Variants in NEK1 observed in about 807,000 individuals in gnomAD.
NEK1 encodes NIMA related kinase 1.
Under a neutral mutation model 182.1 loss-of-function variants are expected in NEK1, and 137 were observed. That is an observed-to-expected ratio of 0.75 (90% confidence interval 0.65 to 0.87). The LOEUF (loss-of-function observed/expected upper bound fraction) is 0.87, where lower values mean the gene tolerates loss of function less well. NEK1 is among the 40% of genes least tolerant of loss of function. The pLI, the probability that NEK1 is intolerant of heterozygous loss-of-function variation, is 0.00. For synonymous variants in NEK1, 513 were observed against 492.2 expected, an observed-to-expected ratio of 1.04 and a Z score of -0.56; for missense variants, 1,391 against 1,494.4, an observed-to-expected ratio of 0.93 and a Z score of 1.14.
chr4:169,590,006 AC>A (rs1768175577), intron 6 of NEK1, among the ~76,000 whole-genome samples: 1 of 152,116 alleles, frequency 6.6e-6, no homozygotes, highest in Non-Finnish European at 1.5e-5. Context: ...AAATAGTATG[AC>A]TTAGAAGTAG....
At chr4:169,596,865 T>G (rs1250078928) in intron 5 of NEK1, among the ~76,000 whole-genome samples, 1 of 152,144 alleles carries the variant, frequency 6.6e-6, no homozygotes, top group East Asian at 1.9e-4. Context: ...GTAGAAAAAA[T>G]GCTATTAACT....
intron 12 of NEK1, among the ~76,000 whole-genome samples, chr4:169,567,061 G>A (rs1004759109): frequency 2.0e-5 from 3 of 151,504 alleles, no homozygotes; most frequent in African/African-American, 7.3e-5. Flanking sequence ...CTGCACTATG[G>A]CTTGAGTGTA....
chr4:169,431,731 T>C (rs1737478687), intron 29 of NEK1, among the ~76,000 whole-genome samples: 2 of 149,348 alleles, frequency 1.3e-5, no homozygotes, highest in Non-Finnish European at 3.0e-5. Flanking sequence ...GAGTTTGAGA[T>C]CAACCTGGGC....
intron 31 of NEK1, among the ~76,000 whole-genome samples, chr4:169,416,655 G>A (rs1229407588): frequency 1.3e-5 from 2 of 152,218 alleles, no homozygotes; most frequent in East Asian, 3.9e-4. Flanking sequence ...TGTAATTCCA[G>A]CACTATTGAG....
chr4:169,533,782 T>C (rs1252073582), intron 19 of NEK1, among the ~76,000 whole-genome samples: 2 of 152,212 alleles, frequency 1.3e-5, no homozygotes, highest in African/African-American at 4.8e-5. Context: ...GGTTCTAATA[T>C]ATCAGTCTAA....
intron 19 of NEK1, among the ~76,000 whole-genome samples, chr4:169,515,606 T>C (rs1356146115): frequency 8.6e-5 from 11 of 127,600 alleles, no homozygotes; most frequent in African/African-American, 3.3e-4. Flanking sequence ...CACCCACTAA[T>C]GTGTCATCTA....
At chr4:169,508,417 A>T in intron 20 of NEK1, 86 bp from the exon 21 acceptor site, 1 of 1,101,250 alleles carries the variant, frequency 9.1e-7, no homozygotes, top group Non-Finnish European at 1.3e-6. Context: ...AAATTTAAGG[A>T]ACAGTGTTAA....
chr4:169,429,899 G>A (rs962881586), intron 29 of NEK1, among the ~76,000 whole-genome samples: 1 of 151,878 alleles, frequency 6.6e-6, no homozygotes, highest in African/African-American at 2.4e-5. Flanking sequence ...ATGTTAGGCT[G>A]CCTCCTTTAA....
chr4:169,448,995 G>A (rs1407533454), intron 27 of NEK1, among the ~76,000 whole-genome samples: 1 of 152,242 alleles, frequency 6.6e-6, no homozygotes, highest in Non-Finnish European at 1.5e-5. Context: ...GGCAGACTAG[G>A]TGATTCTCTC....
At chr4:169,508,989 C>T (rs1753763590) in intron 19 of NEK1, 137 bp from the exon 20 acceptor site, 1 of 620,618 alleles carries the variant, frequency 1.6e-6, no homozygotes, top group Non-Finnish European at 2.6e-6. Flanking sequence ...GATAACAAAC[C>T]CTGGCGTTTT....
intron 35 of NEK1, chr4:169,399,982 C>G: frequency 2.3e-6 from 1 of 443,660 alleles, no homozygotes; most frequent in Non-Finnish European, 4.0e-6. Context: ...TTTTTAAAAA[C>G]CTCATTCAAA....
chr4:169,588,132 G>A (rs1034377028), intron 8 of NEK1, among the ~76,000 whole-genome samples: 1 of 152,096 alleles, frequency 6.6e-6, no homozygotes, highest in African/African-American at 2.4e-5. Context: ...CTACAGTGCT[G>A]TGATTAGAAA....
At chr4:169,427,824 T>C (rs1481464805) in intron 29 of NEK1, among the ~76,000 whole-genome samples, 1 of 151,526 alleles carries the variant, frequency 6.6e-6, no homozygotes, top group Non-Finnish European at 1.5e-5. Context: ...AGCTTATATA[T>C]ATATTTATTT....
At position 169,487,046 on chromosome 4, in the gene NEK1, T is replaced by C. The variant is rs1217602032; in HGVS notation, c.2008-7512A>G. Among the ~76,000 whole-genome samples, 6 of 152,318 alleles carry C rather than the reference T, an allele frequency of 3.9e-5. No individual in the cohort carries two copies. In the East Asian group the frequency reaches 1.2e-3, roughly 29 times the overall value. On this transcript the variant is annotated intron_variant, in intron 23 of 35. Transcript: ENST00000507142. ...ACCCATCATCACATATTGTTCTCCA[T>C]ATCTAAATCCCAATTGGTACTACAA...
intron 23 of NEK1, among the ~76,000 whole-genome samples, chr4:169,488,647 C>T (rs1282828007): frequency 6.6e-6 from 1 of 152,072 alleles, no homozygotes; most frequent in Non-Finnish European, 1.5e-5. Flanking sequence ...CGTGGTTTTA[C>T]TGAAGAAAAT....
intron 18 of NEK1, among the ~76,000 whole-genome samples, chr4:169,547,082 A>C (rs1760604473): frequency 6.6e-6 from 1 of 152,164 alleles, no homozygotes; most frequent in African/African-American, 2.4e-5. Flanking sequence ...TGGTGCTTAC[A>C]TTCTGATATG....
intron 16 of NEK1, among the ~76,000 whole-genome samples, chr4:169,559,871 T>C (rs1315986571): frequency 6.6e-6 from 1 of 151,960 alleles, no homozygotes; most frequent in African/African-American, 2.4e-5. Context: ...TAGCTGGGCG[T>C]GGTGGTGCAT....
chr4:169,609,644 G>A (rs1159793492), intron 2 of NEK1, among the ~76,000 whole-genome samples: 1 of 152,066 alleles, frequency 6.6e-6, no homozygotes, highest in Non-Finnish European at 1.5e-5. Context: ...CCCCTGGCTT[G>A]TATTAAATAA....
chr4:169,394,404 G>T lies in NEK1; in HGVS notation c.*106C>A, dbSNP rs1730360604. ...CAATAAGAAAGTCCATCTTAAATCTGATTTTTTAAATAAATAATTGCTGTA... is the reference window on the plus strand; with the variant it reads ...CAATAAGAAAGTCCATCTTAAATCTTATTTTTTAAATAAATAATTGCTGTA... On this transcript the variant is annotated 3_prime_UTR_variant, in exon 36 of 36. Transcript: ENST00000507142. 2 of 702,112 alleles carry T rather than the reference G, an allele frequency of 2.8e-6. No individual in the cohort carries two copies. Among genetic ancestry groups the T allele is most frequent in the South Asian group, 2.0e-5 (1 of 50,298 alleles). 43.5% of individuals were successfully genotyped at this position (702,112 alleles called of 1,614,324 possible). A position where few individuals can be genotyped will look rare whatever the true frequency, so the allele number is the denominator to read the frequency against.
Sources: gnomAD v4.1 joint callset for allele counts (sites outside exome capture counted in the v4.1 genomes callset) on GRCh38, gnomAD v4.1.1 for gene constraint, MANE v1.5 for transcripts, NCBI Gene and HGNC (gene_info 2026-07-23, HGNC 2026-07-21) for gene names.